Variants in SLC37A1 observed in about 807,000 individuals in gnomAD.
SLC37A1 encodes solute carrier family 37 member 1, also known as glucose-6-phosphate exchanger SLC37A1.
A neutral mutation model predicts 75.3 loss-of-function variants in SLC37A1; 49 were observed. The ratio of observed to expected loss-of-function variants is 0.65; its 90% CI spans 0.52 to 0.83. SLC37A1 has a LOEUF of 0.83. Ranked by LOEUF, SLC37A1 falls within the 40% of genes least tolerant of loss-of-function variation. The probability of loss-of-function intolerance (pLI) is 0.00; values close to 1 mark genes in which losing one functional copy is unlikely to be tolerated. For synonymous variants in SLC37A1, 268 were observed against 292.1 expected, an observed-to-expected ratio of 0.92 and a Z score of 0.84; for missense variants, 566 against 695.0, an observed-to-expected ratio of 0.81 and a Z score of 2.09.
At chr21:42,535,632 A>G in intron 5 of SLC37A1, 82 bp downstream of exon 5, 1 of 1,271,008 alleles carries the variant, frequency 7.9e-7, no homozygotes, top group Non-Finnish European at 1.1e-6. Context: ...GCTGAAGTGC[A>G]CAGGCGCGCG....
At chr21:42,553,643 C>G (rs527629863) in intron 9 of SLC37A1, among the ~76,000 whole-genome samples, 1 of 151,838 alleles carries the variant, frequency 6.6e-6, no homozygotes, top group South Asian at 2.1e-4. Flanking sequence ...GTTGAGCAAG[C>G]CACACTCTCC....
At chr21:42,556,519 C>T (rs905390413) in intron 10 of SLC37A1, among the ~76,000 whole-genome samples, 3 of 152,346 alleles carry the variant, frequency 2.0e-5, no homozygotes, top group East Asian at 1.9e-4. Flanking sequence ...CCCCCACATG[C>T]GTCTGTGTGT....
rs574938563 is a variant in SLC37A1, at chr21:42,545,574, C to G, written c.731-1529C>G. 2.6e-5 allele frequency among the ~76,000 whole-genome samples: 4 copies of G among 152,342 alleles called. No homozygotes were observed. In the East Asian group the frequency reaches 7.7e-4, roughly 29 times the overall value. ...GGGCGTCCCCTGCTCCTTTCTCAGGCCTCTCTGAGTCTCCTTTCTGAAGCT... is the reference window on the plus strand; with the variant it reads ...GGGCGTCCCCTGCTCCTTTCTCAGGGCTCTCTGAGTCTCCTTTCTGAAGCT... On this transcript the variant is annotated intron_variant, in intron 8 of 19. Coordinates refer to ENST00000352133, the MANE Select transcript of SLC37A1 (RefSeq NM_001320537.2). This position sits in a 1 kb window ranked among gnomAD's most constrained non-coding sequence, Gnocchi z 4.0.
At chr21:42,536,455 A>C (rs543711467) in intron 5 of SLC37A1, among the ~76,000 whole-genome samples, 1 of 152,028 alleles carries the variant, frequency 6.6e-6, no homozygotes, top group Non-Finnish European at 1.5e-5. Context: ...AAAAACTGCT[A>C]TTGTGTCAGT....
At chr21:42,536,479 T>C (rs1365558825) in intron 5 of SLC37A1, among the ~76,000 whole-genome samples, 2 of 152,212 alleles carry the variant, frequency 1.3e-5, no homozygotes, top group African/African-American at 2.4e-5. Flanking sequence ...GCCAGGTTTT[T>C]TTTTAAAGGC....
intron 14 of SLC37A1, among the ~76,000 whole-genome samples, chr21:42,565,206 C>T (rs2055945417): frequency 6.6e-6 from 1 of 152,244 alleles, no homozygotes; most frequent in Non-Finnish European, 1.5e-5. Context: ...CCTCTATGCC[C>T]CAGTTCCCTC....
At chr21:42,562,297 A>G in intron 12 of SLC37A1, 129 bp downstream of exon 12, 1 of 760,526 alleles carries the variant, frequency 1.3e-6, no homozygotes, top group Non-Finnish European at 2.3e-6. Flanking sequence ...TACACCTTTG[A>G]ATAAAGTACT....
chr21:42,530,423 C>T (rs887738399), intron 3 of SLC37A1, among the ~76,000 whole-genome samples: 1 of 152,016 alleles, frequency 6.6e-6, no homozygotes, highest in Non-Finnish European at 1.5e-5. Context: ...CCTGGCTGGT[C>T]GCTCCTACTT....
rs116754213 is a variant in SLC37A1 at position 42,545,720 on chromosome 21, G to T, written c.731-1383G>T. Among the ~76,000 whole-genome samples the T allele has an allele frequency of 8.2e-4, 125 of 152,358 alleles. No individual in the cohort carries two copies. The highest frequency in any genetic ancestry group is 9.6e-4 in the African/African-American group (40 of 41,582). ...CCCTGGGGGCATCACACTGTGAGTG[G>T]ATACCGATGGGGTGAGTTGGCTGAT... On this transcript the variant is annotated intron_variant, in intron 8 of 19. Transcript: ENST00000352133. This position sits in a 1 kb window ranked among gnomAD's most constrained non-coding sequence, Gnocchi z 4.0.
intron 18 of SLC37A1, among the ~76,000 whole-genome samples, chr21:42,578,185 C>T (rs536066479): frequency 1.3e-5 from 2 of 152,336 alleles, no homozygotes; most frequent in African/African-American, 2.4e-5. Flanking sequence ...TGCCTCACAA[C>T]ACACACTGAT....
intron 10 of SLC37A1, among the ~76,000 whole-genome samples, chr21:42,558,300 G>A (rs2055741728): frequency 6.6e-6 from 1 of 152,118 alleles, no homozygotes; most frequent in Non-Finnish European, 1.5e-5. Flanking sequence ...AATAATGTTG[G>A]TGTATTTTAA....
rs2055455058 is a variant in SLC37A1 at position 42,547,965 on chromosome 21, G to C, written c.768+825G>C. Among the ~76,000 whole-genome samples the C allele has an allele frequency of 6.6e-6, 1 of 152,128 alleles. No homozygotes were observed. The highest frequency in any genetic ancestry group is 1.5e-5 in the Non-Finnish European group (1 of 68,014). ...GCAACGTCACCCGGACACATAGGGT[G>C]GTCAGCTCTCTGGCCTCACCCTGCT... On this transcript the variant is annotated intron_variant, in intron 9 of 19. Transcript: ENST00000352133. This position sits in a 1 kb window ranked among gnomAD's most constrained non-coding sequence, Gnocchi z 6.1.
intron 17 of SLC37A1, among the ~76,000 whole-genome samples, chr21:42,571,256 G>A (rs1250559355): frequency 2.0e-5 from 3 of 152,230 alleles, no homozygotes; most frequent in Non-Finnish European, 4.4e-5. Context: ...CTCCTTGGCA[G>A]TGACTCGGGT....
At chr21:42,558,245 T>C (rs1247876466) in intron 10 of SLC37A1, among the ~76,000 whole-genome samples, 2 of 152,264 alleles carry the variant, frequency 1.3e-5, no homozygotes, top group African/African-American at 4.8e-5. Flanking sequence ...TTTAGGAACG[T>C]CTAGACAATC....
chr21:42,518,157 C>T lies in SLC37A1; in HGVS notation c.-178-120C>T, dbSNP rs112971961. 5.0e-4 allele frequency: 197 copies of T among 392,984 alleles called. 2 individuals are homozygous for T. Among genetic ancestry groups the T allele is most frequent in the African/African-American group, 3.7e-3 (179 of 48,846 alleles). 24.3% of individuals were successfully genotyped at this position (392,984 alleles called of 1,614,324 possible). ...GGTGGGGGCCCCTGCTTGTATCAGACGTGCAGCTTTGATCAGGACTGGGTA... is the reference window on the plus strand; with the variant it reads ...GGTGGGGGCCCCTGCTTGTATCAGATGTGCAGCTTTGATCAGGACTGGGTA... On this transcript the variant is annotated intron_variant, in intron 1 of 19. Transcript: ENST00000352133.
rs75593212 is a variant in SLC37A1 at position 42,565,736 on chromosome 21, C to T, written c.1222-91C>T. 1.0e-3 allele frequency: 1,266 copies of T among 1,228,104 alleles called. 13 individuals are homozygous for T. In the African/African-American group the frequency reaches 0.017, roughly 17 times the overall value. The allele number at this position is 1,228,104 out of a possible 1,614,324, so 76.1% of individuals were successfully genotyped here. The stretch of plus-strand genomic sequence containing the variant: ...ACTCTTGGGATGGCTGCCTGAGAAT[C>T]ACCCGCCGGGTTTTTGAGAAGTAGA... On this transcript the variant is annotated intron_variant, in intron 14 of 19. Coordinates refer to ENST00000352133, the MANE Select transcript of SLC37A1 (RefSeq NM_001320537.2).
At chr21:42,530,643 C>CAG (rs2054933166) in intron 3 of SLC37A1, among the ~76,000 whole-genome samples, 1 of 31,790 alleles carries the variant, frequency 3.1e-5, no homozygotes, top group Non-Finnish European at 6.6e-5. Flanking sequence ...CACACACACA[C>CAG]ACACACACAC....
chr21:42,528,843 A>G (rs1328906026), intron 3 of SLC37A1, among the ~76,000 whole-genome samples: 1 of 152,202 alleles, frequency 6.6e-6, no homozygotes, highest in Non-Finnish European at 1.5e-5. Flanking sequence ...AAAATGAAAT[A>G]AAATAATCCT....
upstream of SLC37A1, among the ~76,000 whole-genome samples, chr21:42,511,670 A>G (rs908317423): frequency 6.6e-6 from 1 of 152,182 alleles, no homozygotes; most frequent in Non-Finnish European, 1.5e-5. Flanking sequence ...CTGTATTCTC[A>G]GATACTCAGG....
Sources: allele counts gnomAD v4.1 joint callset (sites outside exome capture counted in the v4.1 genomes callset), GRCh38; gene constraint gnomAD v4.1.1; non-coding constraint Gnocchi (gnomAD v3.1); transcripts MANE v1.5; gene names NCBI Gene and HGNC (gene_info 2026-07-23, HGNC 2026-07-21).